Variants in PTPRN2 observed in about 807,000 individuals in gnomAD.
PTPRN2 encodes receptor-type tyrosine-protein phosphatase N2.
A neutral mutation model predicts 118.8 loss-of-function variants in PTPRN2; 74 were observed. That is an observed-to-expected ratio of 0.62 (90% CI 0.52 to 0.76). The LOEUF (loss-of-function observed/expected upper bound fraction) is 0.76, where lower values mean the gene tolerates loss of function less well. Among genes scored for constraint, PTPRN2 ranks in the 30% least tolerant of loss-of-function variants. The pLI is 0.00. For synonymous variants in PTPRN2, 641 were observed against 608.0 expected (o/e 1.05, Z -0.80); for missense variants, 1,481 against 1,394.4 (o/e 1.06, Z -0.99).
At chr7:157,894,842 G>A (rs1016630520) in intron 12 of PTPRN2, among the ~76,000 whole-genome samples, 2 of 152,210 alleles carry the variant, frequency 1.3e-5, no homozygotes, top group African/African-American at 4.8e-5. Flanking sequence ...ATCTGTGCAT[G>A]TGCCAGAGCA....
intron 2 of PTPRN2, among the ~76,000 whole-genome samples, chr7:158,341,423 A>G (rs1160584461): frequency 6.7e-6 from 1 of 149,482 alleles, no homozygotes. Flanking sequence ...GAGGTCACTC[A>G]CACCCACACT....
chr7:158,227,018 T>C (rs1414798806), intron 3 of PTPRN2, among the ~76,000 whole-genome samples: 1 of 151,910 alleles, frequency 6.6e-6, no homozygotes, highest in Non-Finnish European at 1.5e-5. Flanking sequence ...CAAGCTAGGC[T>C]CCAGTGGCAC....
chr7:158,272,946 C>T (rs1381823629), intron 3 of PTPRN2, among the ~76,000 whole-genome samples: 2 of 152,170 alleles, frequency 1.3e-5, no homozygotes, highest in Non-Finnish European at 2.9e-5. Flanking sequence ...CTGACAGTCC[C>T]ACGGTTTGGG....
intron 4 of PTPRN2, 89 bp downstream of exon 4, chr7:158,205,082 A>G: frequency 2.6e-6 from 3 of 1,164,326 alleles, no homozygotes; most frequent in Non-Finnish European, 2.5e-6. Flanking sequence ...GCTTTGCTAC[A>G]TTAAAACAAA....
intron 2 of PTPRN2, among the ~76,000 whole-genome samples, chr7:158,388,993 C>A (rs1297364306): frequency 1.3e-5 from 2 of 152,274 alleles, no homozygotes; most frequent in African/African-American, 4.8e-5. Context: ...TAAGCTCGGA[C>A]TGGCGATTAG....
intron 2 of PTPRN2, among the ~76,000 whole-genome samples, chr7:158,391,938 A>G (rs1451057699): frequency 6.6e-6 from 1 of 152,208 alleles, no homozygotes; most frequent in Non-Finnish European, 1.5e-5. Context: ...CCTTTGAGAC[A>G]GGGAGCCCGC....
At chr7:158,386,360 G>A (rs1449523456) in intron 2 of PTPRN2, among the ~76,000 whole-genome samples, 5 of 92,006 alleles carry the variant, frequency 5.4e-5, no homozygotes, top group Admixed American at 1.2e-4. Context: ...CCCTCCTCCC[G>A]TGCCCCAAGT....
intron 10 of PTPRN2, among the ~76,000 whole-genome samples, chr7:158,107,338 C>G (rs190059649): frequency 6.1e-4 from 93 of 152,274 alleles, no homozygotes; most frequent in Non-Finnish European, 1.2e-3. Flanking sequence ...AACCCTCCCC[C>G]CTCCTAAGTC....
At chr7:157,865,127 G>A (rs1810553823) in intron 12 of PTPRN2, 1 of 152,406 alleles carries the variant, frequency 6.6e-6, no homozygotes, top group East Asian at 1.9e-4. Flanking sequence ...GCACTCCCTG[G>A]GTCTGGCCCA....
intron 12 of PTPRN2, among the ~76,000 whole-genome samples, chr7:157,683,828 C>CCCGCAGA (rs1420959213): frequency 6.6e-6 from 1 of 152,150 alleles, no homozygotes. Flanking sequence ...GGAAGGCCGC[C>CCCGCAGA]CCGCAGACCG....
Position 158,165,608 on chromosome 7 carries a change from G to A in PTPRN2, c.910+1323C>T, listed in dbSNP as rs10242312. The stretch of plus-strand genomic sequence containing the variant: ...AGAGAAGCTGATGCTCGCTCTCAGC[G>A]GCTCCCATTCAGCCTTCACTTAAGG... On this transcript the variant is annotated intron_variant, in intron 6 of 22. Transcript: ENST00000389418. Among the ~76,000 whole-genome samples, 1,354 of 152,360 alleles carry A rather than the reference G, an allele frequency of 8.9e-3. 28 individuals are homozygous for A. The highest frequency in any genetic ancestry group is 0.03 in the African/African-American group (1,251 of 41,576).
intron 11 of PTPRN2, among the ~76,000 whole-genome samples, chr7:157,941,213 GACACTGCAAATCTAACACCCTCCCCACCA>G (rs1800085904): frequency 4.7e-5 from 3 of 64,022 alleles, no homozygotes; most frequent in Non-Finnish European, 7.4e-5. Context: ...TCTCCCCCAT[GACACTGCAAATCTAACACCCTCCCCACCA>G]TGACACTGCA....
Position 158,463,906 on chromosome 7 carries a change from G to A in PTPRN2, c.163+25829C>T, listed in dbSNP as rs62480033. 9.0e-5 allele frequency among the ~76,000 whole-genome samples: 12 copies of A among 133,722 alleles called. No homozygotes were observed. The East Asian group carries it at 1.9e-3, about 21-fold the overall frequency. The allele number at this position is 133,722 out of a possible 152,430, so 87.7% of individuals were successfully genotyped here. On this transcript the variant is annotated intron_variant, in intron 2 of 22. Coordinates refer to ENST00000389418, the MANE Select transcript of PTPRN2 (RefSeq NM_002847.5). ...CATCACCGTCATCATCCTTACCATC[G>A]CCATCATTGCCATGCCATTTAGTAA...
At chr7:157,773,438 G>A (rs980573747) in intron 12 of PTPRN2, among the ~76,000 whole-genome samples, 5 of 152,206 alleles carry the variant, frequency 3.3e-5, no homozygotes, top group Middle Eastern at 3.2e-3. Context: ...CCCCACAGAC[G>A]CCTTTGCTCA....
chr7:157,727,795 C>G (rs1307725708), intron 12 of PTPRN2, among the ~76,000 whole-genome samples: 2 of 152,190 alleles, frequency 1.3e-5, no homozygotes, highest in African/African-American at 2.4e-5. Flanking sequence ...AGTGATTGAG[C>G]CCAGACCCCC....
chr7:158,541,646 T>C (rs368873052), intron 1 of PTPRN2: 1 of 1,345,834 alleles, frequency 7.4e-7, no homozygotes, highest in Non-Finnish European at 9.8e-7. Flanking sequence ...AATCTGGCTA[T>C]AATTCTACCA....
intron 11 of PTPRN2, among the ~76,000 whole-genome samples, chr7:158,065,242 C>T (rs1043070689): frequency 2.6e-5 from 4 of 152,326 alleles, no homozygotes; most frequent in South Asian, 2.1e-4. Context: ...TGCACTCAGG[C>T]GTGTCCTGGC....
intron 2 of PTPRN2, among the ~76,000 whole-genome samples, chr7:158,457,209 T>C (rs546285608): frequency 6.6e-6 from 1 of 152,264 alleles, no homozygotes; most frequent in Admixed American, 6.5e-5. Context: ...ACCCCTTTCC[T>C]GATGCTTATT....
At chr7:158,087,333 A>T (rs528253407) in intron 10 of PTPRN2, among the ~76,000 whole-genome samples, 128 of 152,270 alleles carry the variant, frequency 8.4e-4, no homozygotes, top group African/African-American at 2.8e-3. Context: ...TGCAGTGAAG[A>T]TCTCATGAGG....
Sources: gnomAD v4.1 joint callset for allele counts (sites outside exome capture counted in the v4.1 genomes callset) on GRCh38, gnomAD v4.1.1 for gene constraint, MANE v1.5 for transcripts, NCBI Gene and HGNC (gene_info 2026-07-23, HGNC 2026-07-21) for gene names.